GOLGA1: variants seen among roughly 807,000 people sequenced by gnomAD.
The protein encoded by GOLGA1 is golgin subfamily A member 1.
GOLGA1 carries 63 observed loss-of-function variants against 119.7 expected under a neutral mutation model. That is an observed-to-expected ratio of 0.53 (90% CI 0.43 to 0.65). The LOEUF (loss-of-function observed/expected upper bound fraction) is 0.65, where lower values mean the gene tolerates loss of function less well. GOLGA1 is among the 30% of genes least tolerant of loss of function. The probability of loss-of-function intolerance (pLI) is 0.00; values close to 1 mark genes in which losing one functional copy is unlikely to be tolerated. For missense variants in GOLGA1, 798 were observed against 912.8 expected (o/e 0.87, Z 1.62); for synonymous variants, 318 against 333.4 (o/e 0.95, Z 0.50).
intron 12 of GOLGA1, among the ~76,000 whole-genome samples, chr9:124,901,097 G>C (rs1482175585): frequency 6.6e-6 from 1 of 150,864 alleles, no homozygotes; most frequent in Non-Finnish European, 1.5e-5. Flanking sequence ...TCAGCCTTCT[G>C]AGTAGCTGGG....
chr9:124,900,597 G>T, intron 12 of GOLGA1, 50 bp from the exon 13 acceptor site: 1 of 831,476 alleles, frequency 1.2e-6, no homozygotes, highest in Non-Finnish European at 2.0e-6. Context: ...GCTGAAGAGT[G>T]GTAACAAATG....
chr9:124,910,373 T>C (rs949031053), intron 11 of GOLGA1, among the ~76,000 whole-genome samples: 2 of 152,184 alleles, frequency 1.3e-5, no homozygotes, highest in Admixed American at 1.3e-4. Context: ...CCTAGAGATA[T>C]ATACTTTAAA....
At chr9:124,907,485 C>A (rs1158174803) in intron 12 of GOLGA1, among the ~76,000 whole-genome samples, 1 of 152,128 alleles carries the variant, frequency 6.6e-6, no homozygotes, top group Non-Finnish European at 1.5e-5. Context: ...TCTGGTAACA[C>A]TGAACTTAAG....
chr9:124,915,615 C>T (rs767288117), intron 10 of GOLGA1, among the ~76,000 whole-genome samples: 9 of 151,916 alleles, frequency 5.9e-5, no homozygotes, highest in Non-Finnish European at 1.3e-4. Flanking sequence ...TGTGAGAGGC[C>T]GAGGCAGGAG....
intron 2 of GOLGA1, among the ~76,000 whole-genome samples, chr9:124,939,570 T>C (rs1395641223): frequency 2.9e-5 from 4 of 136,008 alleles, no homozygotes; most frequent in East Asian, 2.5e-4. Flanking sequence ...TTTTTTTTTT[T>C]TTTTTTTTTG....
chr9:124,902,998 G>A (rs1047955586), intron 12 of GOLGA1, among the ~76,000 whole-genome samples: 1 of 152,264 alleles, frequency 6.6e-6, no homozygotes, highest in African/African-American at 2.4e-5. Flanking sequence ...TCTCAATTTA[G>A]AAGCCAAGTT....
intron 11 of GOLGA1, among the ~76,000 whole-genome samples, chr9:124,908,712 G>GTT (rs1830278719): frequency 6.6e-6 from 1 of 152,240 alleles, no homozygotes; most frequent in African/African-American, 2.4e-5. Flanking sequence ...ATAGAGTACA[G>GTT]TAAGTGTCCA....
At chr9:124,930,132 T>C (rs552817843) in intron 4 of GOLGA1, among the ~76,000 whole-genome samples, 2 of 152,320 alleles carry the variant, frequency 1.3e-5, no homozygotes, top group African/African-American at 2.4e-5. Flanking sequence ...TGTAGGACAA[T>C]ACTCACCACA....
chr9:124,930,209 T>C (rs549461636), intron 4 of GOLGA1, among the ~76,000 whole-genome samples: 73 of 152,312 alleles, frequency 4.8e-4, no homozygotes, highest in African/African-American at 1.7e-3. Context: ...GCTCAACTAT[T>C]CTTCCTACCA....
chr9:124,921,815 C>T lies in GOLGA1; in HGVS notation c.639G>A (p.Gln213=), dbSNP rs1830575438. ...TCTGATTGGAGTTCATCAACTCCTC[C>T]TGGGTACGACTAAGTTCTCTGGTTC... is the stretch of plus-strand genomic sequence containing the variant. ...EARTRELSRT[Q]EELMNSNQMS... The change falls in exon 9 of 23, where the codon CAG becomes CAA. Residue 213 remains glutamine (Q), a synonymous_variant. Coordinates refer to ENST00000373555, the MANE Select transcript of GOLGA1 (RefSeq NM_002077.4). 1.2e-6 allele frequency: 2 copies of T among 1,611,548 alleles called. No individual in the cohort carries two copies. The highest frequency in any genetic ancestry group is 4.5e-5 in the East Asian group (2 of 44,876).
intron 7 of GOLGA1, 88 bp downstream of exon 7, chr9:124,926,621 A>G (rs1226042198): frequency 2.4e-6 from 2 of 827,936 alleles, no homozygotes; most frequent in Admixed American, 3.4e-5. Flanking sequence ...GTGGTATAGC[A>G]ATCAGTATGT....
At chr9:124,912,508 G>C (rs1830360425) in intron 10 of GOLGA1, among the ~76,000 whole-genome samples, 1 of 152,106 alleles carries the variant, frequency 6.6e-6, no homozygotes, top group Non-Finnish European at 1.5e-5. Context: ...TCATACCTTG[G>C]CTTTAGACCA....
intron 7 of GOLGA1, 145 bp downstream of exon 7, chr9:124,926,564 A>G (rs1372071189): frequency 7.0e-6 from 5 of 716,262 alleles, no homozygotes; most frequent in Non-Finnish European, 1.0e-5. Context: ...GGAGGATCAG[A>G]GCTTTTCAAG....
intron 11 of GOLGA1, among the ~76,000 whole-genome samples, chr9:124,910,571 A>AAACCAAT (rs1046422152): frequency 6.6e-6 from 1 of 152,242 alleles, no homozygotes; most frequent in Non-Finnish European, 1.5e-5. Context: ...TAGTATAATA[A>AAACCAAT]AACCAATTTT....
At chr9:124,947,070 T>C (rs941761582) in intron 1 of GOLGA1, 1 of 152,126 alleles carries the variant, frequency 6.6e-6, no homozygotes, top group African/African-American at 2.4e-5. Flanking sequence ...AAAACACTGA[T>C]GAAAAAAGAA....
chr9:124,940,371 C>T (rs1336498111), intron 1 of GOLGA1, among the ~76,000 whole-genome samples: 1 of 152,154 alleles, frequency 6.6e-6, no homozygotes, highest in Non-Finnish European at 1.5e-5. Flanking sequence ...CTTACAAGCG[C>T]ATAGAACAGA....
At chr9:124,895,268 A>ATCCACAACAGAGAACCC (rs1171766427) in intron 15 of GOLGA1, among the ~76,000 whole-genome samples, 9 of 139,106 alleles carry the variant, frequency 6.5e-5, no homozygotes, top group Non-Finnish European at 1.1e-4. Context: ...ACAGAGAACC[A>ATCCACAACAGAGAACCC]TCCACAACAG....
In GOLGA1 at chr9:124,899,433, C is replaced by T. The variant is rs1830051903; in HGVS notation, c.1207G>A (p.Ala403Thr). ...ESSHVQQQALALEQQFLERTQ... is the reference protein window; with the variant it reads ...ESSHVQQQALTLEQQFLERTQ... ...CGCTCCAAGAACTGCTGCTCCAGAG[C>T]AAGGGCCTGCTGCTGCACATGGCTG... The change falls in exon 14 of 23, where the codon GCT becomes ACT. Residue 403 changes from alanine (A) to threonine (T), a missense_variant. Physicochemically the swap from Ala to Thr is moderately conservative, Grantham distance 58 (BLOSUM62 0). Coordinates refer to ENST00000373555, the MANE Select transcript of GOLGA1 (RefSeq NM_002077.4). 12 of 1,548,232 alleles carry T rather than the reference C, an allele frequency of 7.8e-6. No homozygotes were observed. The highest frequency in any genetic ancestry group is 8.7e-6 in the Non-Finnish European group (10 of 1,148,238).
At chr9:124,923,916 T>C (rs1830620314) in intron 7 of GOLGA1, among the ~76,000 whole-genome samples, 1 of 152,224 alleles carries the variant, frequency 6.6e-6, no homozygotes, top group Non-Finnish European at 1.5e-5. Context: ...TTTGCAGTGG[T>C]GAGATCTCAG....
Sources: gnomAD v4.1 joint callset for allele counts (sites outside exome capture counted in the v4.1 genomes callset) on GRCh38, gnomAD v4.1.1 for gene constraint, MANE v1.5 for transcripts, NCBI Gene and HGNC (gene_info 2026-07-23, HGNC 2026-07-21) for gene names.